The following LRTM3 variants were observed in gnomAD, a reference collection of about 807,000 sequenced individuals.
LRTM3 encodes leucine-rich repeat transmembrane protein 3.
At chr13:102,731,879 C>A in the LRTM3 span, 5 of 1,549,082 alleles carry the variant, frequency 3.2e-6, no homozygotes, top group African/African-American at 1.4e-5. Context: ...TGTCAGAATG[C>A]GTTTTAGAAT....
At chr13:102,733,850 T>C in the LRTM3 span, 5 of 1,551,414 alleles carry the variant, frequency 3.2e-6, no homozygotes, top group Non-Finnish European at 4.4e-6. Flanking sequence ...GCGGGGCACA[T>C]ACTGTTCTGC....
chr13:102,741,434 A>C, the LRTM3 span: 2 of 1,550,164 alleles, frequency 1.3e-6, no homozygotes, highest in African/African-American at 2.7e-5. Flanking sequence ...ATTTGTACAA[A>C]GAAATTTCTG....
chr13:102,751,577 T>C, the LRTM3 span, among the ~76,000 whole-genome samples: 7 of 152,188 alleles, frequency 4.6e-5, no homozygotes, highest in African/African-American at 1.7e-4. Context: ...AGTCACTGTT[T>C]GATGCATGAG....
At chr13:102,741,048 TTTC>T in the LRTM3 span, 1 of 1,550,188 alleles carries the variant, frequency 6.5e-7, no homozygotes, top group Non-Finnish European at 8.7e-7. Context: ...GAACTCATGA[TTTC>T]TTCTGCTGAG....
the LRTM3 span, among the ~76,000 whole-genome samples, chr13:102,754,380 G>T: frequency 6.6e-6 from 1 of 151,810 alleles, no homozygotes; most frequent in African/African-American, 2.4e-5. Flanking sequence ...GTCATTTATT[G>T]TCTGACCCTG....
the LRTM3 span, chr13:102,743,439 GT>G: frequency 6.4e-7 from 1 of 1,550,458 alleles, no homozygotes; most frequent in Non-Finnish European, 8.7e-7. Context: ...TTGGATTCAA[GT>G]TTCTTCCTAT....
chr13:102,734,252 T>A, the LRTM3 span: 1 of 1,551,434 alleles, frequency 6.4e-7, no homozygotes, highest in East Asian at 2.4e-5. Context: ...TTTTCTTACA[T>A]CACCACTCCT....
At chr13:102,745,032 C>A in the LRTM3 span, 1 of 1,550,814 alleles carries the variant, frequency 6.4e-7, no homozygotes, top group Non-Finnish European at 8.7e-7. Context: ...CATATTGTGC[C>A]ATTTTGGGTC....
the LRTM3 span, chr13:102,733,946 T>C: frequency 1.3e-6 from 2 of 1,551,332 alleles, no homozygotes; most frequent in Non-Finnish European, 1.7e-6. Context: ...GAGAGTTCGC[T>C]GTGGACAAGA....
At chr13:102,735,102 C>A in the LRTM3 span, 1 of 1,551,278 alleles carries the variant, frequency 6.4e-7, no homozygotes, top group Admixed American at 2.0e-5. Context: ...GACAACATGA[C>A]ACCTGGCCCA....
the LRTM3 span, chr13:102,741,951 T>C: frequency 6.4e-7 from 1 of 1,550,608 alleles, no homozygotes; most frequent in Non-Finnish European, 8.7e-7. Context: ...TCCTTTTCTC[T>C]AATATCTTGT....
the LRTM3 span, chr13:102,730,506 G>T: frequency 1.3e-6 from 2 of 1,551,498 alleles, no homozygotes; most frequent in Non-Finnish European, 1.7e-6. Flanking sequence ...ACATGATATT[G>T]TTTGTTTTTT....
At chr13:102,735,090 T>C in the LRTM3 span, 1 of 1,551,232 alleles carries the variant, frequency 6.4e-7, no homozygotes, top group African/African-American at 1.4e-5. Context: ...GAAGGACTCT[T>C]AGACAACATG....
At chr13:102,752,580 T>C in the LRTM3 span, among the ~76,000 whole-genome samples, 4 of 152,348 alleles carry the variant, frequency 2.6e-5, no homozygotes, top group African/African-American at 9.6e-5. Flanking sequence ...CTAATGATTT[T>C]GTTTTTTCAT....
the LRTM3 span, chr13:102,739,800 A>G: frequency 1.9e-6 from 3 of 1,549,300 alleles, no homozygotes; most frequent in Non-Finnish European, 2.6e-6. Context: ...AAGTGAGGTA[A>G]AGAAAGAATA....
the LRTM3 span, chr13:102,736,056 C>T: frequency 6.5e-7 from 1 of 1,543,856 alleles, no homozygotes. Context: ...TCCTTTGCCT[C>T]TTTATATGGC....
chr13:102,754,567 C>G, the LRTM3 span, among the ~76,000 whole-genome samples: 10 of 152,226 alleles, frequency 6.6e-5, no homozygotes, highest in African/African-American at 2.4e-4. Context: ...AAAAAAATCC[C>G]TCATACACAA....
the LRTM3 span, chr13:102,749,334 C>G: frequency 6.4e-7 from 1 of 1,551,332 alleles, no homozygotes; most frequent in Non-Finnish European, 8.7e-7. Context: ...TGGTTCAATT[C>G]TGATGAAACA....
chr13:102,730,342 T>G, the LRTM3 span: 2 of 1,551,178 alleles, frequency 1.3e-6, no homozygotes, highest in Non-Finnish European at 8.7e-7. Flanking sequence ...CTTCAAGACA[T>G]GAACACTCGT....
Sources: gnomAD v4.1 joint callset for allele counts (sites outside exome capture counted in the v4.1 genomes callset) on GRCh38, gnomAD v4.1.1 for gene constraint, MANE v1.5 for transcripts, NCBI Gene and HGNC (gene_info 2026-07-23, HGNC 2026-07-21) for gene names.